Variants in IRS1 observed in about 807,000 individuals in gnomAD.
IRS1 encodes the protein insulin receptor substrate 1.
IRS1 carries 34 observed loss-of-function variants against 65.6 expected under a neutral mutation model. That is an observed-to-expected ratio of 0.52 (90% CI 0.39 to 0.69). The LOEUF (loss-of-function observed/expected upper bound fraction) is 0.69, where lower values mean the gene tolerates loss of function less well. Ranked by LOEUF, IRS1 falls within the 30% of genes least tolerant of loss-of-function variation. The pLI, the probability that IRS1 is intolerant of heterozygous loss-of-function variation, is 0.00. For synonymous variants in IRS1, 699 were observed against 683.5 expected, an observed-to-expected ratio of 1.02 and a Z score of -0.35; for missense variants, 1,641 against 1,720.2, an observed-to-expected ratio of 0.95 and a Z score of 0.81.
intron 1 of IRS1, among the ~76,000 whole-genome samples, chr2:226,783,991 C>T (rs1311560231): frequency 6.6e-6 from 1 of 152,040 alleles, no homozygotes; most frequent in African/African-American, 2.4e-5. Flanking sequence ...GCATCATCCA[C>T]TAGATATGTG....
At chr2:226,757,002 T>A (rs186264977) in intron 1 of IRS1, among the ~76,000 whole-genome samples, 112 of 147,204 alleles carry the variant, frequency 7.6e-4, no homozygotes, top group East Asian at 5.4e-3. Context: ...AATAAATAAA[T>A]AAAATACAAT....
chr2:226,748,156 G>T (rs985660120), intron 1 of IRS1, among the ~76,000 whole-genome samples: 1 of 151,202 alleles, frequency 6.6e-6, no homozygotes, highest in Non-Finnish European at 1.5e-5. Flanking sequence ...GGCCAGGCAT[G>T]GTGGCTCACA....
chr2:226,751,223 A>G (rs779953602), intron 1 of IRS1, among the ~76,000 whole-genome samples: 2 of 150,738 alleles, frequency 1.3e-5, no homozygotes, highest in African/African-American at 4.9e-5. Context: ...CAAAGAGGAC[A>G]TTGGGGGAAA....
chr2:226,763,026 T>C (rs1345634689), intron 1 of IRS1, among the ~76,000 whole-genome samples: 1 of 152,198 alleles, frequency 6.6e-6, no homozygotes, highest in African/African-American at 2.4e-5. Context: ...ATTTATATCA[T>C]CATCTTCCTT....
intron 1 of IRS1, among the ~76,000 whole-genome samples, chr2:226,754,702 A>C (rs1281440125): frequency 6.6e-6 from 1 of 152,216 alleles, no homozygotes; most frequent in African/African-American, 2.4e-5. Context: ...TTATAAAAGG[A>C]AACAGGGTAA....
At chr2:226,736,278 A>G (rs969649885) in intron 1 of IRS1, 28 bp from the exon 2 acceptor site, 5 of 152,246 alleles carry the variant, frequency 3.3e-5, no homozygotes, top group African/African-American at 9.6e-5. Flanking sequence ...AGAATTCAGC[A>G]CCACAGGTAT....
At position 226,732,598 on chromosome 2, in the gene IRS1, CTATA is replaced by C. The variant is rs1166696238; in HGVS notation, c.*3670_*3673del. On this transcript the variant is annotated 3_prime_UTR_variant, in exon 2 of 2. Transcript: ENST00000305123. ...TATCTATATATTTGTATATATTCAT[CTATA>C]TATACACACACACATCCCACACACA... 6.7e-6 allele frequency: 1 copy of C among 148,378 alleles called. No individual in the cohort carries two copies. The highest frequency in any genetic ancestry group is 2.0e-4 in the East Asian group (1 of 5,118). The allele number at this position is 148,378 out of a possible 1,614,324, so 9.2% of individuals were successfully genotyped here. A position where few individuals can be genotyped will look rare whatever the true frequency, so the allele number is the denominator to read the frequency against.
Position 226,798,107 on chromosome 2 carries a change from A to T in IRS1, c.632T>A (p.Ile211Asn). The T allele has an allele frequency of 6.2e-7, 1 of 1,613,880 alleles. No individual in the cohort carries two copies. The highest frequency in any genetic ancestry group is 8.5e-7 in the Non-Finnish European group (1 of 1,179,994). ...AAAVVLQLMN[I>N]RRCGHSENFF... ...GTTTTCCGAGTGGCCACAGCGCCTG[A>T]TGTTCATCAGCTGCAGCACCACGGC... The change falls in exon 1 of 2, where the codon ATC becomes AAC. Residue 211 changes from isoleucine to asparagine, a missense_variant. Ile to Asn is a moderately radical substitution (Grantham distance 149). Around this residue, in one of 3 missense-constraint regions of IRS1, gnomAD observed 77 missense variants for 129.6 expected, o/e 0.59. Coordinates refer to ENST00000305123, the MANE Select transcript of IRS1 (RefSeq NM_005544.3). This position sits in a 1 kb window ranked among gnomAD's most constrained non-coding sequence, Gnocchi z 9.4.
intron 1 of IRS1, among the ~76,000 whole-genome samples, chr2:226,788,328 T>C (rs1188356142): frequency 1.3e-5 from 2 of 152,132 alleles, no homozygotes; most frequent in Non-Finnish European, 2.9e-5. Context: ...GCAACTAGAA[T>C]CATAGTCTGA....
rs1938218610 is a variant in IRS1, at chr2:226,731,393, C to G, written c.*4879G>C. 1 of 152,102 alleles carries G rather than the reference C, an allele frequency of 6.6e-6. No homozygotes were observed. Among genetic ancestry groups the G allele is most frequent in the African/African-American group, 2.4e-5 (1 of 41,404 alleles). 9.4% of individuals were successfully genotyped at this position (152,102 alleles called of 1,614,324 possible). ...CATTAAGGACCACTAATATTTACATCCATGAATTCATTTAGACAGTTTTCT... is the reference window on the plus strand; with the variant it reads ...CATTAAGGACCACTAATATTTACATGCATGAATTCATTTAGACAGTTTTCT... On this transcript the variant is annotated 3_prime_UTR_variant, in exon 2 of 2. Transcript: ENST00000305123.
At position 226,796,472 on chromosome 2, in the gene IRS1, G is replaced by A. The variant is rs1559159205; in HGVS notation, c.2267C>T (p.Pro756Leu). Residue 756 changes from proline (P) to leucine (L), a missense_variant, in exon 1 of 2, where the codon CCC becomes CTC. Physicochemically the swap from Pro to Leu is moderately conservative, Grantham distance 98. Transcript: ENST00000305123. The stretch of plus-strand genomic sequence containing the variant: ...GTAGGAGAGGACTGGCTTGTGCTGG[G>A]GGTCCTCAGGGCCGTAGTAGCAGTC... Reference protein sequence around the residue: ...PSDCYYGPEDPQHKPVLSYYS... With the variant: ...PSDCYYGPEDLQHKPVLSYYS... 6.2e-7 allele frequency: 1 copy of A among 1,613,838 alleles called. No homozygotes were observed. Among genetic ancestry groups the A allele is most frequent in the South Asian group, 1.1e-5 (1 of 91,082 alleles).
In IRS1 at chr2:226,732,514, CTATATATGTGTGTATATATATCTAT is replaced by C. The variant is rs1938242449; in HGVS notation, c.*3733_*3757del. 7.0e-6 allele frequency: 1 copy of C among 142,246 alleles called. No homozygotes were observed. Among genetic ancestry groups the C allele is most frequent in the Admixed American group, 7.1e-5 (1 of 14,184 alleles). 8.8% of individuals were successfully genotyped at this position (142,246 alleles called of 1,614,324 possible). A position where few individuals can be genotyped will look rare whatever the true frequency, so the allele number is the denominator to read the frequency against. The stretch of plus-strand genomic sequence containing the variant: ...TATACACACACACACATATGTGTAT[CTATATATGTGTGTATATATATCTAT>C]ATATGTGTATATATATCTATATATG... On this transcript the variant is annotated 3_prime_UTR_variant, in exon 2 of 2. Coordinates refer to ENST00000305123, the MANE Select transcript of IRS1 (RefSeq NM_005544.3).
Position 226,732,474 on chromosome 2 carries a change from A to ATC in IRS1, c.*3797_*3798insGA, listed in dbSNP as rs1255289325. The ATC allele has an allele frequency of 4.7e-5, 7 of 148,000 alleles. No individual in the cohort carries two copies. Among genetic ancestry groups the ATC allele is most frequent in the African/African-American group, 1.7e-4 (7 of 40,336 alleles). The allele number at this position is 148,000 out of a possible 1,614,324, so 9.2% of individuals were successfully genotyped here. A position where few individuals can be genotyped will look rare whatever the true frequency, so the allele number is the denominator to read the frequency against. ...TTCTCACAAGCCTATACATCTATAT[A>ATC]TATATATATATATATATACACACAC... is the stretch of plus-strand genomic sequence containing the variant. On this transcript the variant is annotated 3_prime_UTR_variant, in exon 2 of 2. Coordinates refer to ENST00000305123, the MANE Select transcript of IRS1 (RefSeq NM_005544.3).
intron 1 of IRS1, among the ~76,000 whole-genome samples, chr2:226,766,286 C>G (rs1169702034): frequency 6.7e-6 from 1 of 148,470 alleles, no homozygotes; most frequent in Non-Finnish European, 1.5e-5. Flanking sequence ...GCCTTAGCCT[C>G]CTGAGTAGCT....
chr2:226,747,070 G>A (rs1028275506), intron 1 of IRS1, among the ~76,000 whole-genome samples: 4 of 152,078 alleles, frequency 2.6e-5, no homozygotes, highest in Non-Finnish European at 4.4e-5. Context: ...GATTGCAGGT[G>A]TGAGCCATCA....
chr2:226,748,563 C>G (rs1938605998), intron 1 of IRS1, among the ~76,000 whole-genome samples: 1 of 151,894 alleles, frequency 6.6e-6, no homozygotes, highest in Admixed American at 6.6e-5. Context: ...AGAGGCTATT[C>G]CTAAATCAGA....
In IRS1 at chr2:226,797,417, G is replaced by A. The variant is rs762160657; in HGVS notation, c.1322C>T (p.Ser441Phe). 6.8e-5 allele frequency: 109 copies of A among 1,612,730 alleles called. No individual in the cohort carries two copies. Among genetic ancestry groups the A allele is most frequent in the Non-Finnish European group, 9.2e-5 (108 of 1,179,578 alleles). The change falls in exon 1 of 2, where the codon TCC becomes TTC. Residue 441 changes from serine to phenylalanine, a missense_variant. By Grantham distance (155) the Ser-to-Phe change is radical (BLOSUM62 -2). This residue lies in a region of IRS1 where 1,324 missense variants were observed against 1,361.0 expected (regional missense o/e 0.97). Transcript: ENST00000305123. This position sits in a 1 kb window ranked among gnomAD's most constrained non-coding sequence, Gnocchi z 8.1. The stretch of plus-strand genomic sequence containing the variant: ...GGAATCCGGAGTGACACTGCGGAAG[G>A]AACTCCGGAAATCGCAGGGACTGGA... ...YGSSPCDFRS[S>F]FRSVTPDSLG...
chr2:226,733,617 A>T lies in IRS1; in HGVS notation c.*2655T>A, dbSNP rs577308155. The T allele has an allele frequency of 1.9e-4, 29 of 152,376 alleles. No homozygotes were observed. The highest frequency in any genetic ancestry group is 6.7e-4 in the African/African-American group (28 of 41,596). 9.4% of individuals were successfully genotyped at this position (152,376 alleles called of 1,614,324 possible). ...ACCCACTAACTTCTAGGTTAACCAG[A>T]GGCCACTAGAAGCCTCAATAATGAA... On this transcript the variant is annotated 3_prime_UTR_variant, in exon 2 of 2. Transcript: ENST00000305123.
chr2:226,782,998 C>CCAAAA (rs983696186), intron 1 of IRS1, among the ~76,000 whole-genome samples: 2 of 152,028 alleles, frequency 1.3e-5, no homozygotes, highest in South Asian at 2.1e-4. Context: ...AGACTGTGTC[C>CCAAAA]CAAAACAAAA....
Sources: gnomAD v4.1 joint callset for allele counts (sites outside exome capture counted in the v4.1 genomes callset) on GRCh38, gnomAD v4.1.1 for gene constraint, gnomAD v4.1.1 regional missense constraint, Gnocchi (gnomAD v3.1) non-coding constraint, MANE v1.5 for transcripts, NCBI Gene and HGNC (gene_info 2026-07-23, HGNC 2026-07-21) for gene names.